The following LSAMP variants were observed in gnomAD, a reference collection of about 807,000 sequenced individuals.
LSAMP encodes limbic system-associated membrane protein.
LSAMP carries 7 observed loss-of-function variants against 38.6 expected under a neutral mutation model. The ratio of observed to expected loss-of-function variants is 0.18; its 90% CI spans 0.10 to 0.34. LSAMP has a LOEUF of 0.34. Ranked by LOEUF, LSAMP falls within the 10% of genes least tolerant of loss-of-function variation. The pLI is 1.00. For synonymous variants in LSAMP, 154 were observed against 166.8 expected (o/e 0.92, Z 0.59); for missense variants, 313 against 420.0 (o/e 0.75, Z 2.23).
chr3:116,291,913 C>T (rs2047271934), intron 1 of LSAMP, among the ~76,000 whole-genome samples: 1 of 152,172 alleles, frequency 6.6e-6, no homozygotes, highest in South Asian at 2.1e-4. Context: ...ATAGAGAAAT[C>T]TGCCAGGCAA....
intron 3 of LSAMP, among the ~76,000 whole-genome samples, chr3:115,871,185 C>A (rs1412995093): frequency 6.6e-6 from 1 of 152,000 alleles, no homozygotes; most frequent in Non-Finnish European, 1.5e-5. Flanking sequence ...AATTGATAGA[C>A]CATAGAGAAA....
At chr3:116,093,419 C>T (rs140331665) in intron 1 of LSAMP, among the ~76,000 whole-genome samples, 3 of 152,326 alleles carry the variant, frequency 2.0e-5, no homozygotes, top group Non-Finnish European at 2.9e-5. Flanking sequence ...ATAGGACAAA[C>T]ATCTAAAGTG....
At chr3:116,257,049 T>C (rs564443004) in intron 1 of LSAMP, among the ~76,000 whole-genome samples, 1 of 152,318 alleles carries the variant, frequency 6.6e-6, no homozygotes, top group South Asian at 2.1e-4. Flanking sequence ...GTGGTTTTCA[T>C]GGGACGGTGT....
chr3:115,861,186 CTTCCTTCCTTCCTTCCTTCCT>C (rs1559855573), intron 3 of LSAMP, among the ~76,000 whole-genome samples: 3 of 128,112 alleles, frequency 2.3e-5, no homozygotes, highest in South Asian at 5.5e-4. Context: ...TCCTTCCTTC[CTTCCTTCCTTCCTTCCTTCCT>C]TTCCTTCCTC....
chr3:116,213,707 C>T (rs1381315625), intron 1 of LSAMP, among the ~76,000 whole-genome samples: 2 of 152,130 alleles, frequency 1.3e-5, no homozygotes, highest in South Asian at 2.1e-4. Flanking sequence ...TATATACATA[C>T]AATGGAATAC....
chr3:116,330,039 C>T (rs78752238), intron 1 of LSAMP, among the ~76,000 whole-genome samples: 4 of 152,128 alleles, frequency 2.6e-5, no homozygotes, highest in African/African-American at 9.7e-5. Context: ...GGGTAATTAA[C>T]TCACATAATC....
chr3:116,065,534 C>T (rs1359190429), intron 2 of LSAMP, among the ~76,000 whole-genome samples: 5 of 152,170 alleles, frequency 3.3e-5, no homozygotes, highest in African/African-American at 4.8e-5. Context: ...ACTTTCTGCA[C>T]TTTTAGCATA....
At chr3:115,901,253 G>A (rs1936866910) in intron 3 of LSAMP, among the ~76,000 whole-genome samples, 1 of 151,978 alleles carries the variant, frequency 6.6e-6, no homozygotes, top group South Asian at 2.1e-4. Context: ...TTTTGACAAT[G>A]TAGCAGTAAA....
chr3:116,381,925 A>T (rs1327479588), intron 1 of LSAMP, among the ~76,000 whole-genome samples: 1 of 152,102 alleles, frequency 6.6e-6, no homozygotes, highest in Non-Finnish European at 1.5e-5. Flanking sequence ...TTGGAGGCCA[A>T]ATTTGACCAT....
chr3:116,260,795 A>G (rs1413232999), intron 1 of LSAMP, among the ~76,000 whole-genome samples: 1 of 152,170 alleles, frequency 6.6e-6, no homozygotes, highest in South Asian at 2.1e-4. Flanking sequence ...TGCCTTGAGG[A>G]TAAAGAAGGA....
chr3:116,223,610 T>A (rs2046313119), intron 1 of LSAMP, among the ~76,000 whole-genome samples: 1 of 152,148 alleles, frequency 6.6e-6, no homozygotes. Flanking sequence ...ACATAGAGAT[T>A]TGAAAGAAAT....
chr3:116,128,729 A>C (rs1709061896), intron 1 of LSAMP, among the ~76,000 whole-genome samples: 1 of 78,290 alleles, frequency 1.3e-5, no homozygotes, highest in Non-Finnish European at 2.5e-5. Flanking sequence ...CATTGTTCTC[A>C]CTATTTGATA....
chr3:115,986,982 T>C (rs1038457957), intron 3 of LSAMP, among the ~76,000 whole-genome samples: 6 of 152,158 alleles, frequency 3.9e-5, no homozygotes, highest in African/African-American at 1.4e-4. Context: ...GAAAAATATC[T>C]GAACCTCATG....
At chr3:115,893,654 T>A (rs1467827772) in intron 3 of LSAMP, among the ~76,000 whole-genome samples, 1 of 152,010 alleles carries the variant, frequency 6.6e-6, no homozygotes, top group Non-Finnish European at 1.5e-5. Context: ...AGTGTAGTCT[T>A]ATGAAGAAGC....
rs896912670 is a variant in LSAMP, at chr3:116,049,617, G to A, written c.389-29977C>T. ...AATTTTGTTTTGAATGGATATAAGA[G>A]GTCTCTAGCTGCCTCATGTATGACG... On this transcript the variant is annotated intron_variant, in intron 2 of 6. Coordinates refer to ENST00000490035, the MANE Select transcript of LSAMP (RefSeq NM_002338.5). Among the ~76,000 whole-genome samples the A allele has an allele frequency of 3.3e-5, 5 of 152,196 alleles. No homozygotes were observed. In the East Asian group the frequency reaches 9.7e-4, roughly 29 times the overall value.
intron 2 of LSAMP, among the ~76,000 whole-genome samples, chr3:116,055,063 G>A (rs900347128): frequency 6.6e-6 from 1 of 152,086 alleles, no homozygotes; most frequent in Non-Finnish European, 1.5e-5. Context: ...TGGAATTCAG[G>A]CAAACACCCT....
intron 3 of LSAMP, among the ~76,000 whole-genome samples, chr3:115,970,470 T>C (rs944265954): frequency 6.6e-6 from 1 of 152,176 alleles, no homozygotes; most frequent in African/African-American, 2.4e-5. Flanking sequence ...CAGGATAATA[T>C]CTTCAAGTTC....
intron 1 of LSAMP, among the ~76,000 whole-genome samples, chr3:116,305,834 C>T (rs2047476806): frequency 6.6e-6 from 1 of 151,622 alleles, no homozygotes; most frequent in South Asian, 2.1e-4. Flanking sequence ...TGAAGTGTGA[C>T]ACAAATAAGA....
At chr3:116,189,133 T>C (rs752624278) in intron 1 of LSAMP, among the ~76,000 whole-genome samples, 5 of 152,148 alleles carry the variant, frequency 3.3e-5, no homozygotes, top group Non-Finnish European at 7.3e-5. Context: ...GTAAGTACTA[T>C]GAACAAAAAG....
Sources: gnomAD v4.1 joint callset for allele counts (sites outside exome capture counted in the v4.1 genomes callset) on GRCh38, gnomAD v4.1.1 for gene constraint, MANE v1.5 for transcripts, NCBI Gene and HGNC (gene_info 2026-07-23, HGNC 2026-07-21) for gene names.